Variants in SLC4A3 observed in about 807,000 individuals in gnomAD.
The protein encoded by SLC4A3 is solute carrier family 4 member 3, also known as anion exchange protein 3.
SLC4A3 carries 47 observed loss-of-function variants against 114.2 expected under a neutral mutation model. That is an observed-to-expected ratio of 0.41 (90% CI 0.33 to 0.52). The LOEUF (loss-of-function observed/expected upper bound fraction) is 0.52. Among genes scored for constraint, SLC4A3 ranks in the 20% least tolerant of loss-of-function variants. The probability of loss-of-function intolerance (pLI) is 0.21; values close to 1 mark genes in which losing one functional copy is unlikely to be tolerated. For synonymous variants in SLC4A3, 693 were observed against 710.3 expected (o/e 0.98, Z 0.39); for missense variants, 1,312 against 1,668.3 (o/e 0.79, Z 3.72).
At position 219,636,850 on chromosome 2, in the gene SLC4A3, C is replaced by T. The variant is rs766605481; in HGVS notation, c.2511C>T (p.Tyr837=). The T allele has an allele frequency of 1.1e-5, 18 of 1,613,938 alleles. No homozygotes were observed. The highest frequency in any genetic ancestry group is 1.7e-4 in the Middle Eastern group (1 of 6,058). The change falls in exon 16 of 23, where the codon TAC becomes TAT. Residue 837 remains tyrosine (Y), a synonymous_variant. Transcript: ENST00000358055. This position sits in a 1 kb window ranked among gnomAD's most constrained non-coding sequence, Gnocchi z 5.5. ...TTCTCATCTCACTCATTTTCATCTA[C>T]GAGACCTTCTACAAGCTCTACAAGG... The part of the protein sequence containing the change: ...FAFLISLIFI[Y]ETFYKLYKVF...
In SLC4A3 at chr2:219,628,023, G is replaced by T; in HGVS notation, c.31G>T (p.Gly11Cys). MANGVIPPPG[G>C]ASPLPQVRVP... ...CAACGGAGTGATCCCGCCGCCCGGG[G>T]GCGCCTCCCCCCTACCCCAGGTGAT... The change falls in exon 2 of 23, where the codon GGC (glycine) becomes TGC (cysteine). Residue 11 changes from glycine to cysteine, a missense_variant. Coordinates refer to ENST00000358055, the MANE Select transcript of SLC4A3 (RefSeq NM_005070.4). The surrounding 1 kb of genome is among the most constrained non-coding windows in gnomAD (Gnocchi z 4.8). 1 of 1,587,200 alleles carries T rather than the reference G, an allele frequency of 6.3e-7. No homozygotes were observed. Among genetic ancestry groups the T allele is most frequent in the South Asian group, 1.1e-5 (1 of 88,218 alleles).
chr2:219,628,596 C>T lies in SLC4A3; in HGVS notation c.217+26C>T, dbSNP rs767963650. 15 of 1,606,402 alleles carry T rather than the reference C, an allele frequency of 9.3e-6. No individual in the cohort carries two copies. The highest frequency in any genetic ancestry group is 2.1e-4 in the Middle Eastern group (1 of 4,844). ...GTGGGTAGCCTGGGGACCCCTAGTGCGGCCGCCCTCGCCACCATCACCTTC... is the reference window on the plus strand; with the variant it reads ...GTGGGTAGCCTGGGGACCCCTAGTGTGGCCGCCCTCGCCACCATCACCTTC... On this transcript the variant is annotated intron_variant, in intron 3 of 22. Transcript: ENST00000358055. This position sits in a 1 kb window ranked among gnomAD's most constrained non-coding sequence, Gnocchi z 4.8.
rs1205752916 is a variant in SLC4A3 at position 219,628,488 on chromosome 2, C to T, written c.135C>T (p.Ser45=). The change falls in exon 3 of 23, where the codon AGC becomes AGT. Residue 45 remains serine, a synonymous_variant. Transcript: ENST00000358055. This position sits in a 1 kb window ranked among gnomAD's most constrained non-coding sequence, Gnocchi z 4.8. Reference sequence around the variant, plus strand: ...ACTTGGGCAAGACCTTGGCTGTGAGCAGGTTTGGGGACCTCATCAGCAAGC... The same window carrying T: ...ACTTGGGCAAGACCTTGGCTGTGAGTAGGTTTGGGGACCTCATCAGCAAGC... ...DDDLGKTLAV[S]RFGDLISKPP... The T allele has an allele frequency of 6.2e-7, 1 of 1,613,718 alleles. No homozygotes were observed. The highest frequency in any genetic ancestry group is 2.2e-5 in the East Asian group (1 of 44,866).
chr2:219,629,529 G>A (rs1574644508), intron 4 of SLC4A3, 51 bp from the exon 5 acceptor site: 6 of 1,585,640 alleles, frequency 3.8e-6, no homozygotes, highest in Admixed American at 3.3e-5. Flanking sequence ...TAGGGTTGGG[G>A]GCTGTATGGT....
At chr2:219,635,628 G>A in intron 13 of SLC4A3, 45 bp from the exon 14 acceptor site, 1 of 1,522,104 alleles carries the variant, frequency 6.6e-7, no homozygotes, top group South Asian at 1.2e-5. Flanking sequence ...GGGCCTCCGA[G>A]CCAGAGGGAG....
In SLC4A3 at chr2:219,631,049, G is replaced by A. The variant is rs983730279; in HGVS notation, c.811+697G>A. 15 of 954,778 alleles carry A rather than the reference G, an allele frequency of 1.6e-5. No individual in the cohort carries two copies. Among genetic ancestry groups the A allele is most frequent in the East Asian group, 8.2e-5 (1 of 12,190 alleles). 59.1% of individuals were successfully genotyped at this position (954,778 alleles called of 1,614,324 possible). A position where few individuals can be genotyped will look rare whatever the true frequency, so the allele number is the denominator to read the frequency against. On this transcript the variant is annotated intron_variant, in intron 6 of 22. Transcript: ENST00000358055. This position sits in a 1 kb window ranked among gnomAD's most constrained non-coding sequence, Gnocchi z 6.3. ...AGCAGGATGGGGGGTGGGGGAGGGC[G>A]TGTTTACAGACCCAGGGTGGGGGCT...
chr2:219,633,233 T>C (rs1397440759), intron 9 of SLC4A3, 41 bp from the exon 10 acceptor site: 2 of 1,524,404 alleles, frequency 1.3e-6, no homozygotes, highest in Non-Finnish European at 1.8e-6. Flanking sequence ...CAGTCTACCA[T>C]GAGCCTCTCC....
chr2:219,634,227 C>A (rs1699039921), intron 11 of SLC4A3, among the ~76,000 whole-genome samples, 193 bp from the exon 12 acceptor site: 1 of 152,248 alleles, frequency 6.6e-6, no homozygotes, highest in African/African-American at 2.4e-5. Flanking sequence ...TTCTTTAATA[C>A]CCTGAGTTTC....
rs1559196296 is a variant in SLC4A3 at position 219,629,183 on chromosome 2, C to T, written c.257C>T (p.Ser86Leu). The T allele has an allele frequency of 1.2e-6, 2 of 1,609,760 alleles. No homozygotes were observed. Residue 86 changes from serine to leucine, a missense_variant, in exon 4 of 23, where the codon TCA becomes TTA. Transcript: ENST00000358055. ...TCCCACCACACCCACCACCCGCTCT[C>T]AGCGCGCCTGCCTCCACCCCACAAG... ...HTSHHTHHPLSARLPPPHKLR... is the reference protein window; with the variant it reads ...HTSHHTHHPLLARLPPPHKLR...
intron 9 of SLC4A3, 28 bp from the exon 10 acceptor site, chr2:219,633,246 C>T (rs1312654620): frequency 1.1e-5 from 17 of 1,535,608 alleles, no homozygotes; most frequent in Non-Finnish European, 1.4e-5. Flanking sequence ...GCCTCTCCTC[C>T]TCACCTGCCT....
At chr2:219,632,150 C>T (rs1231668980) in intron 7 of SLC4A3, 34 bp downstream of exon 7, 1 of 1,608,534 alleles carries the variant, frequency 6.2e-7, no homozygotes, top group Non-Finnish European at 8.5e-7. Flanking sequence ...CTGTGGCTTC[C>T]TCATGCCCCT....
intron 9 of SLC4A3, 96 bp from the exon 10 acceptor site, chr2:219,633,178 C>T: frequency 3.6e-6 from 5 of 1,375,970 alleles, no homozygotes; most frequent in Non-Finnish European, 5.0e-6. Context: ...TACACTGAGG[C>T]AGAGGGATGG....
In SLC4A3 at chr2:219,639,343, AAAG is replaced by A. The variant is rs1269049608; in HGVS notation, c.3024-132_3024-130del. On this transcript the variant is annotated intron_variant, in intron 19 of 22. Coordinates refer to ENST00000358055, the MANE Select transcript of SLC4A3 (RefSeq NM_005070.4). The surrounding 1 kb of genome is among the most constrained non-coding windows in gnomAD (Gnocchi z 5.9). ...GTGAGAACTTCAATTTGGGAACTTG[AAAG>A]AAGAAGCTGGCAGTCCTAGGGAGAA... 3 of 1,039,320 alleles carry A rather than the reference AAAG, an allele frequency of 2.9e-6. No homozygotes were observed. The highest frequency in any genetic ancestry group is 2.4e-5 in the East Asian group (1 of 41,806). 64.4% of individuals were successfully genotyped at this position (1,039,320 alleles called of 1,614,324 possible).
Position 219,638,130 on chromosome 2 carries a change from CT to C in SLC4A3, c.2767-30del. ...GTTAGTCTGCTGACCTTGCCTCCAC[CT>C]TTTGCTCCCTTCCCCAACTGGCCCC... On this transcript the variant is annotated intron_variant, in intron 17 of 22. Coordinates refer to ENST00000358055, the MANE Select transcript of SLC4A3 (RefSeq NM_005070.4). This position sits in a 1 kb window ranked among gnomAD's most constrained non-coding sequence, Gnocchi z 7.5. 6.4e-7 allele frequency: 1 copy of C among 1,554,832 alleles called. No individual in the cohort carries two copies.
In SLC4A3 at chr2:219,638,759, C is replaced by T; in HGVS notation, c.2913C>T (p.Phe971=). The T allele has an allele frequency of 6.2e-7, 1 of 1,614,170 alleles. No homozygotes were observed. The highest frequency in any genetic ancestry group is 8.5e-7 in the Non-Finnish European group (1 of 1,180,022). The change falls in exon 19 of 23, where the codon TTC becomes TTT. Residue 971 remains phenylalanine, a synonymous_variant. Transcript: ENST00000358055. This position sits in a 1 kb window ranked among gnomAD's most constrained non-coding sequence, Gnocchi z 7.5. ...CCTCTCCCGATAAGCGCTCGTGGTT[C>T]ATCCCACCCCTGGGCAGTGCCCGTC... ...SVTSPDKRSW[F]IPPLGSARPF...
rs1179147500 is a variant in SLC4A3 at position 219,638,258 on chromosome 2, G to A, written c.2856+5G>A. On this transcript the variant is annotated splice_donor_5th_base_variant and intron_variant, in intron 18 of 22. Transcript: ENST00000358055. The surrounding 1 kb of genome is among the most constrained non-coding windows in gnomAD (Gnocchi z 7.5). The stretch of plus-strand genomic sequence containing the variant: ...ATCACAGACACCTACACGCAGGTGA[G>A]GGAGCCCCAGCCTGTGGCAGCTGCT... 7.5e-6 allele frequency: 12 copies of A among 1,604,800 alleles called. No individual in the cohort carries two copies. In the African/African-American group the frequency reaches 1.5e-4, roughly 20 times the overall value.
At chr2:219,629,881 A>G (rs1358967040) in intron 5 of SLC4A3, among the ~76,000 whole-genome samples, 186 bp downstream of exon 5, 7 of 8,570 alleles carry the variant, frequency 8.2e-4, no homozygotes, top group Non-Finnish European at 3.5e-3. Flanking sequence ...AGGAGAGAAC[A>G]AGGGGGGGGG....
At position 219,632,028 on chromosome 2, in the gene SLC4A3, C is replaced by T. The variant is rs377314291; in HGVS notation, c.872C>T (p.Thr291Met). 47 of 1,613,390 alleles carry T rather than the reference C, an allele frequency of 2.9e-5. No individual in the cohort carries two copies. The highest frequency in any genetic ancestry group is 6.7e-5 in the Admixed American group (4 of 59,868). Residue 291 changes from threonine (T) to methionine (M), a missense_variant, in exon 7 of 23, where the codon ACG (threonine) becomes ATG (methionine). By Grantham distance (81) the Thr-to-Met change is moderately conservative. Transcript: ENST00000358055. Reference sequence around the variant, plus strand: ...CACTTAGTGAAAAAGCCCTCCCGGACGCAGGGCGGGAGGGGCAGTCCCAGC... The same window carrying T: ...CACTTAGTGAAAAAGCCCTCCCGGATGCAGGGCGGGAGGGGCAGTCCCAGC... ...RRHLVKKPSR[T>M]QGGRGSPSGL...
rs532924095 is a variant in SLC4A3, at chr2:219,628,910, C to A, written c.218-234C>A. The A allele has an allele frequency of 6.7e-6, 4 of 595,762 alleles. No individual in the cohort carries two copies. The highest frequency in any genetic ancestry group is 3.2e-5 in the Admixed American group (1 of 31,678). 36.9% of individuals were successfully genotyped at this position (595,762 alleles called of 1,614,324 possible). Reference sequence around the variant, plus strand: ...CGCCTTTCCCCTCCTTGCTGTATCACGTCTCCCCTCCCAGCCCCCTTCATG... The same window carrying A: ...CGCCTTTCCCCTCCTTGCTGTATCAAGTCTCCCCTCCCAGCCCCCTTCATG... On this transcript the variant is annotated intron_variant, in intron 3 of 22. Coordinates refer to ENST00000358055, the MANE Select transcript of SLC4A3 (RefSeq NM_005070.4). This position sits in a 1 kb window ranked among gnomAD's most constrained non-coding sequence, Gnocchi z 4.8.
Sources: allele counts gnomAD v4.1 joint callset (sites outside exome capture counted in the v4.1 genomes callset), GRCh38; gene constraint gnomAD v4.1.1; non-coding constraint Gnocchi (gnomAD v3.1); transcripts MANE v1.5; gene names NCBI Gene and HGNC (gene_info 2026-07-23, HGNC 2026-07-21).